The following MAN1A2 variants were observed in gnomAD, a reference collection of about 807,000 sequenced individuals.
MAN1A2 encodes the protein mannosidase alpha class 1A member 2, also known as mannosyl-oligosaccharide 1,2-alpha-mannosidase IB.
Under a neutral mutation model 75.7 loss-of-function variants are expected in MAN1A2, and 26 were observed. The observed-to-expected ratio is 0.34, with a 90% CI of 0.25 to 0.48. The LOEUF is 0.48. MAN1A2 is among the 20% of genes least tolerant of loss of function. The pLI is 0.99. For missense variants in MAN1A2, 562 were observed against 775.5 expected, an observed-to-expected ratio of 0.72 and a Z score of 3.27; for synonymous variants, 247 against 264.6, an observed-to-expected ratio of 0.93 and a Z score of 0.65.
At chr1:117,411,401 C>T (rs991082834) in intron 3 of MAN1A2, among the ~76,000 whole-genome samples, 1 of 151,740 alleles carries the variant, frequency 6.6e-6, no homozygotes, top group Admixed American at 6.6e-5. Context: ...ATGAGCTTTG[C>T]CTCTTCCTTC....
intron 12 of MAN1A2, chr1:117,515,449 GAAT>G (rs1336576046): frequency 9.2e-5 from 14 of 152,076 alleles, no homozygotes; most frequent in African/African-American, 3.4e-4. Flanking sequence ...TCAGAGAAGG[GAAT>G]TTTGGTGCAG....
intron 8 of MAN1A2, among the ~76,000 whole-genome samples, chr1:117,480,845 C>G (rs1650476142): frequency 6.6e-6 from 1 of 151,908 alleles, no homozygotes; most frequent in Non-Finnish European, 1.5e-5. Context: ...GTTAATCCCT[C>G]TGTTCATTAT....
At chr1:117,373,762 C>T (rs148164474) in intron 1 of MAN1A2, among the ~76,000 whole-genome samples, 18 of 152,114 alleles carry the variant, frequency 1.2e-4, no homozygotes, top group East Asian at 5.8e-4. Context: ...CCAAAGTGTT[C>T]GGATTACAGG....
chr1:117,487,927 A>T (rs1400782676), intron 8 of MAN1A2, among the ~76,000 whole-genome samples: 1 of 152,090 alleles, frequency 6.6e-6, no homozygotes, highest in Non-Finnish European at 1.5e-5. Flanking sequence ...TCTAACTATA[A>T]TCTATTGTAT....
intron 4 of MAN1A2, 84 bp downstream of exon 4, chr1:117,414,915 C>G: frequency 2.4e-6 from 2 of 826,498 alleles, no homozygotes. Flanking sequence ...ACATTTGTGC[C>G]TTCCTAAAAT....
intron 8 of MAN1A2, among the ~76,000 whole-genome samples, chr1:117,467,176 A>G (rs1650005943): frequency 6.6e-6 from 1 of 152,204 alleles, no homozygotes; most frequent in East Asian, 1.9e-4. Context: ...TTGTAGGTTT[A>G]TCAATGCTAT....
intron 9 of MAN1A2, among the ~76,000 whole-genome samples, chr1:117,495,517 C>T (rs1355458314): frequency 6.6e-6 from 1 of 151,840 alleles, no homozygotes; most frequent in East Asian, 1.9e-4. Flanking sequence ...CTACCTTCCC[C>T]TATCCTTACA....
At position 117,526,851 on chromosome 1, in the gene MAN1A2, TCTC is replaced by T; in HGVS notation, c.*3895_*3897del. 2 of 81,424 alleles carry T rather than the reference TCTC, an allele frequency of 2.5e-5. No homozygotes were observed. The highest frequency in any genetic ancestry group is 5.0e-5 in the Non-Finnish European group (2 of 39,700). 5.0% of individuals were successfully genotyped at this position (81,424 alleles called of 1,614,324 possible). A position where few individuals can be genotyped will look rare whatever the true frequency, so the allele number is the denominator to read the frequency against. On this transcript the variant is annotated 3_prime_UTR_variant, in exon 13 of 13. Transcript: ENST00000356554. ...TAGGTCCTATCTTTTCCTCTCTCTC[TCTC>T]TCTCTCTCTCTCTCTCTCTCTCTCT...
At position 117,526,880 on chromosome 1, in the gene MAN1A2, C is replaced by CTCTCTCTCTCTCTCTCTATATATA; in HGVS notation, c.*3924_*3925insCTCTCTCTCTCTCTCTATATATAT. On this transcript the variant is annotated 3_prime_UTR_variant, in exon 13 of 13. Transcript: ENST00000356554. The stretch of plus-strand genomic sequence containing the variant: ...TCTCTCTCTCTCTCTCTCTCTCTCT[C>CTCTCTCTCTCTCTCTCTATATATA]TATATATATATATATATATATATAT... 1.5e-4 allele frequency: 8 copies of CTCTCTCTCTCTCTCTCTATATATA among 54,520 alleles called. No homozygotes were observed. The highest frequency in any genetic ancestry group is 3.3e-4 in the African/African-American group (4 of 12,286). 3.4% of individuals were successfully genotyped at this position (54,520 alleles called of 1,614,324 possible). A position where few individuals can be genotyped will look rare whatever the true frequency, so the allele number is the denominator to read the frequency against.
chr1:117,438,275 A>AG (rs1167195331), intron 5 of MAN1A2, among the ~76,000 whole-genome samples: 1 of 152,220 alleles, frequency 6.6e-6, no homozygotes, highest in Admixed American at 6.5e-5. Flanking sequence ...TAAAAAAAAA[A>AG]TTTTAATAGA....
intron 12 of MAN1A2, among the ~76,000 whole-genome samples, chr1:117,503,820 A>G (rs537376688): frequency 2.0e-5 from 3 of 151,568 alleles, no homozygotes; most frequent in East Asian, 1.9e-4. Flanking sequence ...ATTCTCATAT[A>G]TTACAATTAA....
At position 117,466,354 on chromosome 1, in the gene MAN1A2, A is replaced by G. The variant is rs141608027; in HGVS notation, c.1095A>G (p.Leu365=). Residue 365 remains leucine (L), a synonymous_variant, in exon 8 of 13, where the codon CTA becomes CTG. Transcript: ENST00000356554. ...CTCAGGTTATGCACATTCGGAAACTACTTCAGAAAATGGATCGTCCAAATG... is the reference window on the plus strand; with the variant it reads ...CTCAGGTTATGCACATTCGGAAACTGCTTCAGAAAATGGATCGTCCAAATG... The part of the protein sequence containing the change: ...YYKKVMHIRK[L]LQKMDRPNGL... 1.6e-3 allele frequency: 2,641 copies of G among 1,610,204 alleles called. 2 individuals carry two copies. Among genetic ancestry groups the G allele is most frequent in the Non-Finnish European group, 2.2e-3 (2,550 of 1,177,366 alleles).
At chr1:117,484,919 A>G (rs1029343608) in intron 8 of MAN1A2, among the ~76,000 whole-genome samples, 1 of 151,904 alleles carries the variant, frequency 6.6e-6, no homozygotes, top group African/African-American at 2.4e-5. Flanking sequence ...GCTTGTCTAT[A>G]TGTTTTTCCA....
chr1:117,482,369 C>A (rs1243606785), intron 8 of MAN1A2, among the ~76,000 whole-genome samples: 1 of 151,954 alleles, frequency 6.6e-6, no homozygotes, highest in African/African-American at 2.4e-5. Context: ...CCACATCCTC[C>A]ACAGCATCTG....
At chr1:117,488,101 A>T in intron 8 of MAN1A2, among the ~76,000 whole-genome samples, 1 of 151,986 alleles carries the variant, frequency 6.6e-6, no homozygotes, top group Non-Finnish European at 1.5e-5. Flanking sequence ...CTTCTGTAAT[A>T]CCCAGCCACT....
rs866032599 is a variant in MAN1A2, at chr1:117,526,876, C to A, written c.*3919C>A. On this transcript the variant is annotated 3_prime_UTR_variant, in exon 13 of 13. Transcript: ENST00000356554. ...TCTCTCTCTCTCTCTCTCTCTCTCT[C>A]TCTCTATATATATATATATATATAT... 934 of 67,546 alleles carry A rather than the reference C, an allele frequency of 0.014. 4 individuals are homozygous for A. The highest frequency in any genetic ancestry group is 0.015 in the Non-Finnish European group (484 of 31,796). 4.2% of individuals were successfully genotyped at this position (67,546 alleles called of 1,614,324 possible).
At chr1:117,503,482 AC>A (rs1651263010) in intron 12 of MAN1A2, among the ~76,000 whole-genome samples, 1 of 151,512 alleles carries the variant, frequency 6.6e-6, no homozygotes, top group Non-Finnish European at 1.5e-5. Context: ...CATAAAAGGA[AC>A]AATGGAAAAG....
intron 5 of MAN1A2, among the ~76,000 whole-genome samples, chr1:117,428,249 G>C (rs1193037492): frequency 6.6e-6 from 1 of 151,786 alleles, no homozygotes; most frequent in Non-Finnish European, 1.5e-5. Flanking sequence ...TGAGTAGCTG[G>C]GACCACAGGT....
At chr1:117,454,942 G>T (rs552947433) in intron 6 of MAN1A2, among the ~76,000 whole-genome samples, 14 of 152,096 alleles carry the variant, frequency 9.2e-5, no homozygotes, top group African/African-American at 3.4e-4. Flanking sequence ...AGCCGGTAAA[G>T]AAAATGGAAT....
Sources: gnomAD v4.1 joint callset for allele counts (sites outside exome capture counted in the v4.1 genomes callset) on GRCh38, gnomAD v4.1.1 for gene constraint, MANE v1.5 for transcripts, NCBI Gene and HGNC (gene_info 2026-07-23, HGNC 2026-07-21) for gene names.